XIRP2: variants seen among roughly 807,000 people sequenced by gnomAD.
XIRP2 encodes the protein xin actin binding repeat containing 2, also known as xin actin-binding repeat-containing protein 2.
Under a neutral mutation model 277.0 loss-of-function variants are expected in XIRP2, and 236 were observed. The ratio of observed to expected loss-of-function variants is 0.85; its 90% CI spans 0.77 to 0.95. XIRP2 has a LOEUF of 0.95. Ranked by LOEUF, XIRP2 falls within the 40% of genes least tolerant of loss-of-function variation. XIRP2 has a pLI of 0.00. For synonymous variants in XIRP2, 1,490 were observed against 1,416.5 expected (o/e 1.05, Z -1.17); for missense variants, 4,640 against 4,157.5 (o/e 1.12, Z -3.19).
In XIRP2 at chr2:166,925,589, G is replaced by GTATATATATA. The variant is rs1470366389; in HGVS notation, c.408+21705_408+21706insTATATATATA. ...TGTGTATGTATGTGTGTGTGTATGT[G>GTATATATATA]TATATACATATATATATATATATAT... On this transcript the variant is annotated intron_variant, in intron 2 of 10. Coordinates refer to ENST00000409195, the MANE Select transcript of XIRP2 (RefSeq NM_152381.6). 1.0e-3 allele frequency among the ~76,000 whole-genome samples: 111 copies of GTATATATATA among 105,960 alleles called. 1 individual carries two copies. Among genetic ancestry groups the GTATATATATA allele is most frequent in the East Asian group, 4.3e-3 (15 of 3,516 alleles). The allele number at this position is 105,960 out of a possible 152,430, so 69.5% of individuals were successfully genotyped here.
chr2:167,225,009 T>C (rs1170163250), intron 5 of XIRP2, among the ~76,000 whole-genome samples: 1 of 152,170 alleles, frequency 6.6e-6, no homozygotes, highest in African/African-American at 2.4e-5. Context: ...TAATAGCAAG[T>C]CTTCTTTTGA....
chr2:166,971,438 T>C (rs1686575936), intron 2 of XIRP2, among the ~76,000 whole-genome samples: 1 of 152,064 alleles, frequency 6.6e-6, no homozygotes. Context: ...TTGGGGAGAA[T>C]TTTAAAGCTC....
At chr2:166,948,934 A>C (rs552747410) in intron 2 of XIRP2, among the ~76,000 whole-genome samples, 2 of 152,070 alleles carry the variant, frequency 1.3e-5, no homozygotes, top group Non-Finnish European at 2.9e-5. Context: ...CCTACTAGAG[A>C]ATAAAATAAT....
Position 167,251,545 on chromosome 2 carries a change from A to T in XIRP2, c.10153A>T (p.Ser3385Cys). 2 of 1,613,572 alleles carry T rather than the reference A, an allele frequency of 1.2e-6. No individual in the cohort carries two copies. The highest frequency in any genetic ancestry group is 1.7e-6 in the Non-Finnish European group (2 of 1,179,628). The change falls in exon 9 of 11, where the codon AGT becomes TGT. Residue 3385 changes from serine to cysteine, a missense_variant. By Grantham distance (112) the Ser-to-Cys change is moderately radical. Coordinates refer to ENST00000409195, the MANE Select transcript of XIRP2 (RefSeq NM_152381.6). ...TGGATTAACATCTTTAGGAAACACG[A>T]GTTTTACAGACTTTTCTTGCAAACA... ...EFGLTSLGNTSFTDFSCKHPR... is the reference protein window; with the variant it reads ...EFGLTSLGNTCFTDFSCKHPR...
chr2:167,126,172 TGC>T (rs1691195634), intron 2 of XIRP2, among the ~76,000 whole-genome samples: 2 of 138,156 alleles, frequency 1.4e-5, no homozygotes, highest in African/African-American at 6.4e-5. Flanking sequence ...GTGCTCCTTG[TGC>T]GCTCTCTCTC....
At chr2:167,141,646 T>A (rs1430897178) in intron 3 of XIRP2, among the ~76,000 whole-genome samples, 1 of 151,968 alleles carries the variant, frequency 6.6e-6, no homozygotes, top group Non-Finnish European at 1.5e-5. Flanking sequence ...GAGGATTGCT[T>A]GAGGTCAAGA....
intron 3 of XIRP2, chr2:167,187,414 T>C: frequency 1.0e-6 from 1 of 985,346 alleles, no homozygotes; most frequent in Non-Finnish European, 1.2e-6. Context: ...CACCCATTGC[T>C]TTCAGGGGAC....
intron 2 of XIRP2, among the ~76,000 whole-genome samples, chr2:167,100,752 G>T (rs1480995843): frequency 3.3e-5 from 5 of 152,208 alleles, no homozygotes; most frequent in African/African-American, 1.2e-4. Context: ...AGGTCTGTGT[G>T]TGTCACTGTG....
Position 167,038,587 on chromosome 2 carries a change from T to C in XIRP2, c.409-97322T>C, listed in dbSNP as rs1265446643. Among the ~76,000 whole-genome samples, 3 of 151,534 alleles carry C rather than the reference T, an allele frequency of 2.0e-5. No individual in the cohort carries two copies. In the East Asian group the frequency reaches 5.9e-4, roughly 30 times the overall value. Reference sequence around the variant, plus strand: ...GATATAACATATAATAATTAGAAAATTCCCCATGTTGCTTTTCTTGTATCT... The same window carrying C: ...GATATAACATATAATAATTAGAAAACTCCCCATGTTGCTTTTCTTGTATCT... On this transcript the variant is annotated intron_variant, in intron 2 of 10. Transcript: ENST00000409195.
intron 2 of XIRP2, among the ~76,000 whole-genome samples, chr2:167,131,920 A>G (rs1248137923): frequency 6.6e-6 from 1 of 152,160 alleles, no homozygotes; most frequent in Admixed American, 6.5e-5. Flanking sequence ...TTTTGACATC[A>G]TTTAATAGCT....
intron 2 of XIRP2, among the ~76,000 whole-genome samples, chr2:167,005,307 A>G (rs982348345): frequency 6.6e-6 from 1 of 151,854 alleles, no homozygotes; most frequent in African/African-American, 2.4e-5. Context: ...AGCCTAGGAC[A>G]TCTTTTATCT....
At chr2:166,936,926 G>A (rs62196027) in intron 2 of XIRP2, among the ~76,000 whole-genome samples, 2,104 of 152,278 alleles carry the variant, frequency 0.014, 15 homozygotes, top group Middle Eastern at 0.02. Context: ...GGACTTTAAA[G>A]TAGTTTTTTC....
In XIRP2 at chr2:167,157,672, C is replaced by T. The variant is rs552437413; in HGVS notation, c.562+21610C>T. 7.7e-4 allele frequency among the ~76,000 whole-genome samples: 117 copies of T among 152,158 alleles called. 2 individuals carry two copies. The highest frequency in any genetic ancestry group is 2.6e-3 in the African/African-American group (110 of 41,544). On this transcript the variant is annotated intron_variant, in intron 3 of 10. Transcript: ENST00000409195. The stretch of plus-strand genomic sequence containing the variant: ...TCCAGAATGCTTGCCTTCCTTTCCC[C>T]CTACAATCAAAGCAGCTTGTGGGAT...
At chr2:167,065,636 A>G (rs886898445) in intron 2 of XIRP2, among the ~76,000 whole-genome samples, 4 of 151,816 alleles carry the variant, frequency 2.6e-5, no homozygotes, top group African/African-American at 7.3e-5. Context: ...AACGTTTTCA[A>G]TTGAAAAAGT....
intron 2 of XIRP2, among the ~76,000 whole-genome samples, chr2:167,077,321 C>T (rs6733384): frequency 0.28 from 42,962 of 151,926 alleles, 9,047 homozygotes; most frequent in African/African-American, 0.59. Flanking sequence ...TTATCTGATA[C>T]TACCCTAATT....
intron 2 of XIRP2, among the ~76,000 whole-genome samples, chr2:167,022,349 C>T (rs544157398): frequency 5.3e-5 from 8 of 152,106 alleles, no homozygotes; most frequent in African/African-American, 1.9e-4. Flanking sequence ...ATGCTAAAGA[C>T]ACAATGATTT....
At chr2:167,116,783 A>G (rs1337791976) in intron 2 of XIRP2, among the ~76,000 whole-genome samples, 3 of 152,206 alleles carry the variant, frequency 2.0e-5, no homozygotes, top group Non-Finnish European at 2.9e-5. Flanking sequence ...AAAAAATACT[A>G]TCCTCCCAGA....
intron 2 of XIRP2, among the ~76,000 whole-genome samples, chr2:166,958,915 G>A (rs140287124): frequency 4.0e-5 from 6 of 151,796 alleles, no homozygotes; most frequent in East Asian, 3.9e-4. Flanking sequence ...TTTCGAGAAC[G>A]TCTATTCCAA....
intron 2 of XIRP2, among the ~76,000 whole-genome samples, chr2:167,027,829 G>T (rs576967786): frequency 1.7e-4 from 26 of 152,100 alleles, no homozygotes; most frequent in African/African-American, 5.8e-4. Context: ...CTACTAAATA[G>T]GGAAAAGAAT....
Sources: allele counts gnomAD v4.1 joint callset (sites outside exome capture counted in the v4.1 genomes callset), GRCh38; gene constraint gnomAD v4.1.1; transcripts MANE v1.5; gene names NCBI Gene and HGNC (gene_info 2026-07-23, HGNC 2026-07-21).